The following DUSP6 variants were observed in gnomAD, a reference collection of about 807,000 sequenced individuals.
DUSP6 encodes dual specificity protein phosphatase 6.
DUSP6 carries 6 observed loss-of-function variants against 28.0 expected under a neutral mutation model. The observed-to-expected ratio is 0.21, with a 90% CI of 0.12 to 0.42. The LOEUF is 0.42. Ranked by LOEUF, DUSP6 falls within the 10% of genes least tolerant of loss-of-function variation. The probability of loss-of-function intolerance (pLI) is 1.00; values close to 1 mark genes in which losing one functional copy is unlikely to be tolerated. For missense variants in DUSP6, 451 were observed against 498.1 expected, an observed-to-expected ratio of 0.91 and a Z score of 0.90; for synonymous variants, 252 against 217.5, an observed-to-expected ratio of 1.16 and a Z score of -1.40.
chr12:89,350,782 T>G lies in DUSP6; in HGVS notation c.644A>C (p.Tyr215Ser), dbSNP rs1313203450. The part of the protein sequence containing the change: ...SFPVEILPFL[Y>S]LGCAKDSTNL... ...GGTGGAGTCTTTGGCACAGCCCAAG[T>G]AGAGGAAGGGCAAGATCTCCACTGG... Residue 215 changes from tyrosine to serine, a missense_variant, in exon 2 of 3, where the codon TAC (tyrosine) becomes TCC (serine). Coordinates refer to ENST00000279488, the MANE Select transcript of DUSP6 (RefSeq NM_001946.4). 6.2e-7 allele frequency: 1 copy of G among 1,613,722 alleles called. No individual in the cohort carries two copies. The highest frequency in any genetic ancestry group is 8.5e-7 in the Non-Finnish European group (1 of 1,179,960).
rs1879116168 is a variant in DUSP6 at position 89,349,704 on chromosome 12, A to G, written c.839-143T>C. On this transcript the variant is annotated intron_variant, in intron 2 of 2. Coordinates refer to ENST00000279488, the MANE Select transcript of DUSP6 (RefSeq NM_001946.4). ...GAGCCCTACAAGCAGCAGAAAATGT[A>G]TCACTGAAATGAAACATGTACACTG... 9.8e-6 allele frequency: 6 copies of G among 615,116 alleles called. No individual in the cohort carries two copies. The South Asian group carries it at 1.3e-4, about 13-fold the overall frequency. 38.1% of individuals were successfully genotyped at this position (615,116 alleles called of 1,614,324 possible). A position where few individuals can be genotyped will look rare whatever the true frequency, so the allele number is the denominator to read the frequency against.
chr12:89,350,445 A>T, intron 2 of DUSP6, 143 bp downstream of exon 2: 5 of 817,072 alleles, frequency 6.1e-6, no homozygotes, highest in Non-Finnish European at 9.4e-6. Flanking sequence ...AAGATAAACC[A>T]GAATTAAGGA....
chr12:89,350,329 T>G (rs895477510), intron 2 of DUSP6, among the ~76,000 whole-genome samples: 1 of 152,258 alleles, frequency 6.6e-6, no homozygotes, highest in Non-Finnish European at 1.5e-5. Flanking sequence ...GTTGTCCGAT[T>G]ATGAACGACT....
intron 2 of DUSP6, 30 bp downstream of exon 2, chr12:89,350,558 G>C (rs1211423265): frequency 1.3e-6 from 2 of 1,588,106 alleles, no homozygotes; most frequent in Non-Finnish European, 1.7e-6. Context: ...GCATTTAAAT[G>C]TCAGAGCGAC....
intron 2 of DUSP6, 59 bp downstream of exon 2, chr12:89,350,527 CTA>C: frequency 1.3e-6 from 2 of 1,509,732 alleles, no homozygotes; most frequent in Non-Finnish European, 1.8e-6. Flanking sequence ...AGCTTAAACT[CTA>C]TGAATGGCTA....
At position 89,352,169 on chromosome 12, in the gene DUSP6, C is replaced by G; in HGVS notation, c.-130G>C. On this transcript the variant is annotated 5_prime_UTR_variant, in exon 1 of 3. Transcript: ENST00000279488. ...TAATTCCGCCTCGCCTTACCCAAGC[C>G]GAGGCTAGCGGTTGGGGCAGACGAG... 1.4e-6 allele frequency: 2 copies of G among 1,403,902 alleles called. No homozygotes were observed. Among genetic ancestry groups the G allele is most frequent in the Non-Finnish European group, 1.9e-6 (2 of 1,043,270 alleles). 87.0% of individuals were successfully genotyped at this position (1,403,902 alleles called of 1,614,324 possible).
At position 89,351,856 on chromosome 12, in the gene DUSP6, T is replaced by C. The variant is rs1489475136; in HGVS notation, c.184A>G (p.Met62Val). The C allele has an allele frequency of 6.2e-7, 1 of 1,612,336 alleles. No individual in the cohort carries two copies. Among genetic ancestry groups the C allele is most frequent in the South Asian group, 1.1e-5 (1 of 91,040 alleles). The change falls in exon 1 of 3, where the codon ATG becomes GTG. Residue 62 changes from methionine (M) to valine (V), a missense_variant. Physicochemically the swap from Met to Val is conservative, Grantham distance 21. Transcript: ENST00000279488. ...TTACCCTTCTGCAGGCGCCGCAGCA[T>C]GATGCCCGGGATGGCCACGTTGATG... ...SAINVAIPGI[M>V]LRRLQKGNLP... is the part of the protein sequence containing the mutation.
In DUSP6 at chr12:89,348,299, C is replaced by T. The variant is rs1879049614; in HGVS notation, c.*955G>A. On this transcript the variant is annotated 3_prime_UTR_variant, in exon 3 of 3. Coordinates refer to ENST00000279488, the MANE Select transcript of DUSP6 (RefSeq NM_001946.4). ...AGTATTGCATTTGAGGTGACACTCC[C>T]TGAAGAATTTTATACAGAGGTAATA... The T allele has an allele frequency of 6.6e-6, 1 of 152,594 alleles. No homozygotes were observed. Among genetic ancestry groups the T allele is most frequent in the South Asian group, 2.1e-4 (1 of 4,826 alleles). The allele number at this position is 152,594 out of a possible 1,614,324, so 9.5% of individuals were successfully genotyped here.
chr12:89,351,554 A>G (rs1431750124), intron 1 of DUSP6, 86 bp downstream of exon 1: 15 of 1,462,426 alleles, frequency 1.0e-5, no homozygotes, highest in Non-Finnish European at 1.2e-5. Flanking sequence ...AGCTGAGCGG[A>G]GCAGAGGTAT....
chr12:89,349,715 G>C (rs1314466859), intron 2 of DUSP6, among the ~76,000 whole-genome samples, 154 bp from the exon 3 acceptor site: 1 of 152,188 alleles, frequency 6.6e-6, no homozygotes, highest in African/African-American at 2.4e-5. Context: ...TCACTGAAAT[G>C]AAACATGTAC....
chr12:89,348,583 G>A lies in DUSP6; in HGVS notation c.*671C>T, dbSNP rs1879062637. The A allele has an allele frequency of 1.3e-5, 2 of 152,390 alleles. No homozygotes were observed. Among genetic ancestry groups the A allele is most frequent in the South Asian group, 2.1e-4 (1 of 4,834 alleles). The allele number at this position is 152,390 out of a possible 1,614,324, so 9.4% of individuals were successfully genotyped here. On this transcript the variant is annotated 3_prime_UTR_variant, in exon 3 of 3. Transcript: ENST00000279488. ...CAGAATTGGTAAAGTCAAGCATGCT[G>A]CAAATATACCCTTTGGATTAGAAAA...
At position 89,351,024 on chromosome 12, in the gene DUSP6, A is replaced by G; in HGVS notation, c.402T>C (p.Gly134=). ...DEGCRAFYLE[G]GFSKFQAEFS... ...ACTCGGCTTGGAACTTACTGAAGCC[A>G]CCTGCCAGAACGAGAAAAGCAATCA... Residue 134 remains glycine (G), a splice_region_variant and synonymous_variant, in exon 2 of 3, where the codon GGT becomes GGC. Transcript: ENST00000279488. 1 of 1,577,970 alleles carries G rather than the reference A, an allele frequency of 6.3e-7. No homozygotes were observed. Among genetic ancestry groups the G allele is most frequent in the Non-Finnish European group, 8.6e-7 (1 of 1,165,858 alleles).
In DUSP6 at chr12:89,352,166, AGCCGAG is replaced by A; in HGVS notation, c.-133_-128del. ...GTTTAATTCCGCCTCGCCTTACCCA[AGCCGAG>A]GCTAGCGGTTGGGGCAGACGAGACA... On this transcript the variant is annotated 5_prime_UTR_variant, in exon 1 of 3. Transcript: ENST00000279488. 7.1e-7 allele frequency: 1 copy of A among 1,408,744 alleles called. No individual in the cohort carries two copies. Among genetic ancestry groups the A allele is most frequent in the Non-Finnish European group, 9.6e-7 (1 of 1,047,018 alleles). 87.3% of individuals were successfully genotyped at this position (1,408,744 alleles called of 1,614,324 possible).
chr12:89,348,406 C>T lies in DUSP6; in HGVS notation c.*848G>A, dbSNP rs533206909. On this transcript the variant is annotated 3_prime_UTR_variant, in exon 3 of 3. Transcript: ENST00000279488. ...TGATTTGGTGTCTTTCCCAGATTATCCCCTTTGCGACAACACAAGCAAAAA... is the reference window on the plus strand; with the variant it reads ...TGATTTGGTGTCTTTCCCAGATTATTCCCTTTGCGACAACACAAGCAAAAA... The T allele has an allele frequency of 1.3e-5, 2 of 152,662 alleles. No homozygotes were observed. Among genetic ancestry groups the T allele is most frequent in the Non-Finnish European group, 2.9e-5 (2 of 68,026 alleles). 9.5% of individuals were successfully genotyped at this position (152,662 alleles called of 1,614,324 possible).
At chr12:89,349,639 C>G in intron 2 of DUSP6, 78 bp from the exon 3 acceptor site, 1 of 1,100,330 alleles carries the variant, frequency 9.1e-7, no homozygotes, top group Non-Finnish European at 1.3e-6. Context: ...AAAAACTGAA[C>G]TTGAAAACAT....
rs754245846 is a variant in DUSP6 at position 89,349,345 on chromosome 12, G to A, written c.1055C>T (p.Pro352Leu). 1.9e-6 allele frequency: 3 copies of A among 1,614,072 alleles called. No individual in the cohort carries two copies. In the East Asian group the frequency reaches 6.7e-5, roughly 36 times the overall value. The change falls in exon 3 of 3, where the codon CCA becomes CTA. Residue 352 changes from proline (P) to leucine (L), a missense_variant. Around this residue, in one of 2 missense-constraint regions of DUSP6, gnomAD observed 104 missense variants for 151.4 expected, o/e 0.69. Transcript: ENST00000279488. ...DFERTLGLSS[P>L]CDNRVPAQQL... ...CTGTGCTGGAACCCTGTTGTCACATGGGCTGCTGAGTCCCAGCGTCCTCTC... is the reference window on the plus strand; with the variant it reads ...CTGTGCTGGAACCCTGTTGTCACATAGGCTGCTGAGTCCCAGCGTCCTCTC...
chr12:89,349,022 G>A lies in DUSP6; in HGVS notation c.*232C>T, dbSNP rs1016833265. The A allele has an allele frequency of 1.9e-6, 1 of 538,644 alleles. No individual in the cohort carries two copies. Among genetic ancestry groups the A allele is most frequent in the African/African-American group, 1.9e-5 (1 of 52,906 alleles). 33.4% of individuals were successfully genotyped at this position (538,644 alleles called of 1,614,324 possible). A position where few individuals can be genotyped will look rare whatever the true frequency, so the allele number is the denominator to read the frequency against. The stretch of plus-strand genomic sequence containing the variant: ...TGGGTAGGCTGTACACATGGGTACA[G>A]AGCAAACCTACTGCCTGTATCTATA... On this transcript the variant is annotated 3_prime_UTR_variant, in exon 3 of 3. Coordinates refer to ENST00000279488, the MANE Select transcript of DUSP6 (RefSeq NM_001946.4).
In DUSP6 at chr12:89,350,847, G is replaced by A. The variant is rs187659783; in HGVS notation, c.579C>T (p.Asp193=). ...TGTTGGACAGCGGACTACCATCCGA[G>A]TCTGTTGCACTATTGGGGTCTCGGT... ...DLDRDPNSAT[D]SDGSPLSNSQ... is the part of the protein sequence containing the mutation. The change falls in exon 2 of 3, where the codon GAC becomes GAT. Residue 193 remains aspartate, a synonymous_variant. Transcript: ENST00000279488. 1.2e-6 allele frequency: 2 copies of A among 1,613,996 alleles called. No homozygotes were observed. Among genetic ancestry groups the A allele is most frequent in the Admixed American group, 1.7e-5 (1 of 60,002 alleles).
rs766626889 is a variant in DUSP6, at chr12:89,350,569, G to A, written c.838+19C>T. 4.4e-6 allele frequency: 7 copies of A among 1,599,152 alleles called. No homozygotes were observed. In the South Asian group the frequency reaches 6.6e-5, roughly 15 times the overall value. ...TTTTGCATTTAAATGTCAGAGCGAC[G>A]ACTATTAATTAGTCTCACCTATGAA... On this transcript the variant is annotated intron_variant, in intron 2 of 2. Coordinates refer to ENST00000279488, the MANE Select transcript of DUSP6 (RefSeq NM_001946.4).
Sources: gnomAD v4.1 joint callset for allele counts (sites outside exome capture counted in the v4.1 genomes callset) on GRCh38, gnomAD v4.1.1 for gene constraint, gnomAD v4.1.1 regional missense constraint, MANE v1.5 for transcripts, NCBI Gene and HGNC (gene_info 2026-07-23, HGNC 2026-07-21) for gene names.